Variants in NPTN observed in about 807,000 individuals in gnomAD.
The protein encoded by NPTN is SDR-1.
In NPTN, 5 loss-of-function variants were observed where a neutral mutation model predicts 42.7. The ratio of observed to expected loss-of-function variants is 0.12; its 90% CI spans 0.06 to 0.25. The LOEUF (loss-of-function observed/expected upper bound fraction) is 0.25, where lower values mean the gene tolerates loss of function less well. NPTN is among the 10% of genes least tolerant of loss of function. The pLI is 1.00. For synonymous variants in NPTN, 180 were observed against 201.9 expected, an observed-to-expected ratio of 0.89 and a Z score of 0.92; for missense variants, 307 against 525.4, an observed-to-expected ratio of 0.58 and a Z score of 4.06.
intron 1 of NPTN, among the ~76,000 whole-genome samples, chr15:73,610,424 T>C (rs556388486): frequency 1.3e-5 from 2 of 152,344 alleles, no homozygotes; most frequent in Admixed American, 1.3e-4. Context: ...ATCAACTTTT[T>C]TTTAAGCTTC....
chr15:73,608,687 G>A (rs1282451435), intron 1 of NPTN, among the ~76,000 whole-genome samples: 23 of 152,132 alleles, frequency 1.5e-4, no homozygotes, highest in Admixed American at 1.5e-3. Context: ...GCAGTACAAT[G>A]GCTGTCAGAA....
Position 73,580,542 on chromosome 15 carries a change from TTATATATG to T in NPTN, c.707-6755_707-6748del, listed in dbSNP as rs994035101. Among the ~76,000 whole-genome samples the T allele has an allele frequency of 2.8e-4, 40 of 142,118 alleles. 1 individual carries two copies. Among genetic ancestry groups the T allele is most frequent in the Admixed American group, 6.6e-4 (9 of 13,660 alleles). 93.2% of individuals were successfully genotyped at this position (142,118 alleles called of 152,430 possible). ...ATATAGTTATATATGTATATATTTG[TTATATATG>T]TATATATGTATATACATGTTATATA... On this transcript the variant is annotated intron_variant, in intron 4 of 8. Coordinates refer to ENST00000345330, the MANE Select transcript of NPTN (RefSeq NM_012428.4).
chr15:73,623,567 G>A (rs542101397), intron 1 of NPTN, among the ~76,000 whole-genome samples: 1 of 152,138 alleles, frequency 6.6e-6, no homozygotes, highest in South Asian at 2.1e-4. Context: ...TGCGCCTGTG[G>A]TCCCAGCTAC....
intron 1 of NPTN, among the ~76,000 whole-genome samples, chr15:73,632,264 AC>A (rs1898789718): frequency 1.7e-5 from 1 of 59,228 alleles, no homozygotes; most frequent in Admixed American, 1.8e-4. Flanking sequence ...GTCTTCCCCC[AC>A]CCCCATCTCT....
At chr15:73,565,854 C>T (rs1057229831) in intron 6 of NPTN, 2 of 454,366 alleles carry the variant, frequency 4.4e-6, no homozygotes, top group African/African-American at 2.0e-5. Flanking sequence ...CCCCTATATC[C>T]GCCTCATCAT....
rs74337568 is a variant in NPTN at position 73,588,414 on chromosome 15, G to A, written c.612-796C>T. 2.7e-3 allele frequency among the ~76,000 whole-genome samples: 413 copies of A among 152,128 alleles called. 13 individuals are homozygous for A. The East Asian group carries it at 0.055, about 20-fold the overall frequency. ...TTTCCACAAGTCTACTTGCTAACAG[G>A]ACCCAGGCACAGTTTAAAGAAAAAG... is the stretch of plus-strand genomic sequence containing the variant. On this transcript the variant is annotated intron_variant, in intron 3 of 8. Coordinates refer to ENST00000345330, the MANE Select transcript of NPTN (RefSeq NM_012428.4).
At chr15:73,594,309 G>A (rs965089627) in intron 2 of NPTN, among the ~76,000 whole-genome samples, 3 of 152,268 alleles carry the variant, frequency 2.0e-5, no homozygotes, top group Admixed American at 2.0e-4. Context: ...TACCTGTGGC[G>A]ATGCAAATGA....
chr15:73,573,247 C>T (rs1439344987), intron 5 of NPTN, among the ~76,000 whole-genome samples: 2 of 152,132 alleles, frequency 1.3e-5, no homozygotes, highest in Admixed American at 6.5e-5. Flanking sequence ...TCAAAGCAGG[C>T]CAGATGTCAC....
intron 6 of NPTN, chr15:73,567,102 TTAAAC>T (rs962299512): frequency 2.1e-5 from 21 of 981,816 alleles, no homozygotes; most frequent in East Asian, 1.1e-4. Flanking sequence ...TGAAACATAC[TTAAAC>T]TAAACTATGT....
intron 1 of NPTN, among the ~76,000 whole-genome samples, chr15:73,609,234 C>T (rs2141447589): frequency 6.6e-6 from 1 of 152,292 alleles, no homozygotes; most frequent in African/African-American, 2.4e-5. Flanking sequence ...AGACTTAAAA[C>T]TCCATGTCAA....
At position 73,569,329 on chromosome 15, in the gene NPTN, G is replaced by C. The variant is rs1326018719; in HGVS notation, c.1114+821C>G. The C allele has an allele frequency of 1.0e-6, 1 of 985,444 alleles. No homozygotes were observed. Among genetic ancestry groups the C allele is most frequent in the African/African-American group, 1.7e-5 (1 of 57,236 alleles). The allele number at this position is 985,444 out of a possible 1,614,324, so 61.0% of individuals were successfully genotyped here. On this transcript the variant is annotated intron_variant, in intron 6 of 8. Transcript: ENST00000345330. This position sits in a 1 kb window ranked among gnomAD's most constrained non-coding sequence, Gnocchi z 4.1. ...ACCAAAAATTTCCCAAGGCTTTTCTGACTCTAGGCATATCCAATAACCTAA... is the reference window on the plus strand; with the variant it reads ...ACCAAAAATTTCCCAAGGCTTTTCTCACTCTAGGCATATCCAATAACCTAA...
intron 1 of NPTN, among the ~76,000 whole-genome samples, chr15:73,604,261 C>T (rs1897196721): frequency 6.6e-6 from 1 of 152,194 alleles, no homozygotes; most frequent in Non-Finnish European, 1.5e-5. Context: ...TCCAAGAGCT[C>T]GAGACCGGCC....
chr15:73,632,081 A>G (rs976925338), intron 1 of NPTN, among the ~76,000 whole-genome samples: 3 of 152,014 alleles, frequency 2.0e-5, no homozygotes, highest in African/African-American at 7.3e-5. Context: ...ACTGCCCTCA[A>G]TCCCACCACT....
At chr15:73,593,777 A>C (rs1896705987) in intron 2 of NPTN, among the ~76,000 whole-genome samples, 1 of 152,236 alleles carries the variant, frequency 6.6e-6, no homozygotes, top group Non-Finnish European at 1.5e-5. Context: ...GATAACGGTT[A>C]TCTTCCATTC....
intron 1 of NPTN, among the ~76,000 whole-genome samples, chr15:73,607,065 A>G (rs1897325564): frequency 1.3e-5 from 2 of 152,258 alleles, no homozygotes; most frequent in South Asian, 4.1e-4. Flanking sequence ...GTTTCCTCTT[A>G]GTAATTTTCC....
At position 73,570,137 on chromosome 15, in the gene NPTN, G is replaced by T. The variant is rs780296317; in HGVS notation, c.1114+13C>A. ...ACCCCAGCAGTACAGCTATTTTGTA[G>T]GGATGCTCTTACCGTCAGGAACCTC... On this transcript the variant is annotated intron_variant, in intron 6 of 8. Coordinates refer to ENST00000345330, the MANE Select transcript of NPTN (RefSeq NM_012428.4). The surrounding 1 kb of genome is among the most constrained non-coding windows in gnomAD (Gnocchi z 4.0). The T allele has an allele frequency of 1.9e-6, 3 of 1,591,686 alleles. No homozygotes were observed. The African/African-American group carries it at 4.0e-5, about 21-fold the overall frequency.
intron 1 of NPTN, among the ~76,000 whole-genome samples, chr15:73,630,602 T>C (rs1898685696): frequency 6.6e-6 from 1 of 152,230 alleles, no homozygotes; most frequent in African/African-American, 2.4e-5. Context: ...ATTCTTCATT[T>C]TAGGAATAAT....
intron 4 of NPTN, among the ~76,000 whole-genome samples, chr15:73,580,451 T>A (rs1566965688): frequency 4.9e-4 from 67 of 137,364 alleles, no homozygotes; most frequent in African/African-American, 1.8e-3. Context: ...AATATATATG[T>A]ATATATACAA....
chr15:73,604,287 A>G (rs1290870597), intron 1 of NPTN, among the ~76,000 whole-genome samples: 2 of 152,132 alleles, frequency 1.3e-5, no homozygotes, highest in African/African-American at 4.8e-5. Flanking sequence ...AACACGGCAA[A>G]AAACTGTCTC....
Sources: allele counts gnomAD v4.1 joint callset (sites outside exome capture counted in the v4.1 genomes callset), GRCh38; gene constraint gnomAD v4.1.1; non-coding constraint Gnocchi (gnomAD v3.1); transcripts MANE v1.5; gene names NCBI Gene and HGNC (gene_info 2026-07-23, HGNC 2026-07-21).